S100Z: variants seen among roughly 807,000 people sequenced by gnomAD.
S100Z encodes protein S100-Z.
Under a neutral mutation model 8.5 loss-of-function variants are expected in S100Z, and 11 were observed. The observed-to-expected ratio is 1.30, with a 90% CI of 0.82 to 2.15. The LOEUF (loss-of-function observed/expected upper bound fraction) is 2.15. S100Z is among the 30% of genes most tolerant of loss of function. The probability of loss-of-function intolerance (pLI) is 0.00; values close to 1 mark genes in which losing one functional copy is unlikely to be tolerated. For synonymous variants in S100Z, 34 were observed against 43.8 expected (o/e 0.78, Z 0.89); for missense variants, 126 against 117.9 (o/e 1.07, Z -0.32).
the S100Z span, among the ~76,000 whole-genome samples, chr5:76,940,138 A>G: frequency 7.0e-6 from 1 of 143,178 alleles, no homozygotes; most frequent in Non-Finnish European, 1.5e-5. Context: ...GCCTGGCAAC[A>G]GAGCAAGACT....
At chr5:76,872,608 C>T (rs1743050093) in intron 2 of S100Z, among the ~76,000 whole-genome samples, 1 of 151,948 alleles carries the variant, frequency 6.6e-6, no homozygotes, top group Non-Finnish European at 1.5e-5. Context: ...TGCAGTGAGC[C>T]ATTACTGGGC....
intron 4 of S100Z, among the ~76,000 whole-genome samples, chr5:76,882,427 A>G (rs1743435075): frequency 6.6e-6 from 1 of 152,178 alleles, no homozygotes; most frequent in East Asian, 1.9e-4. Context: ...GTGTGGGGGC[A>G]GCTTCTAGGG....
At chr5:76,885,332 T>G (rs1345191234) in intron 4 of S100Z, among the ~76,000 whole-genome samples, 9 of 148,640 alleles carry the variant, frequency 6.1e-5, no homozygotes, top group Non-Finnish European at 1.3e-4. Context: ...TGGGAGGTGC[T>G]TGCCCCCCAG....
chr5:76,917,912 T>C (rs1440280069), intron 4 of S100Z, among the ~76,000 whole-genome samples: 2 of 152,198 alleles, frequency 1.3e-5, no homozygotes, highest in Non-Finnish European at 2.9e-5. Flanking sequence ...AGTGCCAGTT[T>C]CCTGTAGGTG....
At chr5:76,910,377 G>T (rs2150679326) in intron 4 of S100Z, among the ~76,000 whole-genome samples, 1 of 152,254 alleles carries the variant, frequency 6.6e-6, no homozygotes, top group African/African-American at 2.4e-5. Context: ...TTCTATAATA[G>T]GGACCAAGAG....
chr5:76,888,239 A>G (rs1475911100), intron 4 of S100Z, among the ~76,000 whole-genome samples: 4 of 150,704 alleles, frequency 2.7e-5, no homozygotes, highest in Admixed American at 2.6e-4. Context: ...CCTGGGTGAC[A>G]GAGCAAGACT....
chr5:76,903,971 A>C (rs1176347658), intron 4 of S100Z, among the ~76,000 whole-genome samples: 2 of 151,806 alleles, frequency 1.3e-5, no homozygotes, highest in Admixed American at 1.3e-4. Context: ...TCCTGACCTC[A>C]TGATCCACAC....
chr5:76,915,149 C>T (rs930498609), intron 4 of S100Z, among the ~76,000 whole-genome samples: 3 of 150,494 alleles, frequency 2.0e-5, no homozygotes, highest in Non-Finnish European at 4.4e-5. Context: ...ACTGAAAATA[C>T]AAAAACATTA....
chr5:76,877,662 T>C lies in S100Z; in HGVS notation c.142-12T>C, dbSNP rs1743244842. 5.7e-6 allele frequency: 9 copies of C among 1,575,224 alleles called. No individual in the cohort carries two copies. In the East Asian group the frequency reaches 1.6e-4, roughly 28 times the overall value. Reference sequence around the variant, plus strand: ...AGAGCCAGGGAGTTAGAAATTTCCTTTCTCATTTTAGTGCCAAAAGGAAAC... The same window carrying C: ...AGAGCCAGGGAGTTAGAAATTTCCTCTCTCATTTTAGTGCCAAAAGGAAAC... On this transcript the variant is annotated splice_polypyrimidine_tract_variant and intron_variant, in intron 3 of 4. Transcript: ENST00000317593.
intron 4 of S100Z, among the ~76,000 whole-genome samples, chr5:76,891,187 G>A (rs1199046412): frequency 6.6e-6 from 1 of 152,180 alleles, no homozygotes; most frequent in Non-Finnish European, 1.5e-5. Context: ...TTAAATTAAA[G>A]CAGTTGTGTT....
At chr5:76,930,772 A>G in the S100Z span, among the ~76,000 whole-genome samples, 2 of 152,184 alleles carry the variant, frequency 1.3e-5, no homozygotes, top group African/African-American at 4.8e-5. Context: ...ATTGACCATT[A>G]TGTCTGAAGT....
At chr5:76,909,487 TGGA>T (rs1337046368) in intron 4 of S100Z, among the ~76,000 whole-genome samples, 1 of 152,202 alleles carries the variant, frequency 6.6e-6, no homozygotes, top group African/African-American at 2.4e-5. Context: ...TTCTTTTCAC[TGGA>T]GGAGAACATA....
chr5:76,862,623 A>G (rs1249095480), intron 1 of S100Z, among the ~76,000 whole-genome samples: 1 of 152,090 alleles, frequency 6.6e-6, no homozygotes, highest in Non-Finnish European at 1.5e-5. Context: ...ACATGGTGAA[A>G]CCATGTCTCT....
chr5:76,908,753 C>T (rs1159179125), intron 4 of S100Z, among the ~76,000 whole-genome samples: 1 of 152,160 alleles, frequency 6.6e-6, no homozygotes, highest in Non-Finnish European at 1.5e-5. Context: ...TCTGGAGATC[C>T]CTTTCCTCCC....
chr5:76,908,619 TC>T (rs888955463), intron 4 of S100Z, among the ~76,000 whole-genome samples: 2 of 152,138 alleles, frequency 1.3e-5, no homozygotes, highest in Non-Finnish European at 2.9e-5. Context: ...AATTTTCAGA[TC>T]CCTCCTCAGA....
chr5:76,925,159 TAG>T (rs3060357), downstream of S100Z, among the ~76,000 whole-genome samples: 3 of 151,088 alleles, frequency 2.0e-5, no homozygotes, highest in South Asian at 2.1e-4. Flanking sequence ...AGTGGCTAGA[TAG>T]AGAGAGAGAG....
At chr5:76,866,054 G>A (rs1014818284) in intron 1 of S100Z, among the ~76,000 whole-genome samples, 1 of 151,446 alleles carries the variant, frequency 6.6e-6, no homozygotes, top group Non-Finnish European at 1.5e-5. Flanking sequence ...GTAAGGTAAG[G>A]TTAACTTATT....
intron 4 of S100Z, among the ~76,000 whole-genome samples, chr5:76,898,468 G>A (rs562152438): frequency 6.6e-6 from 1 of 152,176 alleles, no homozygotes; most frequent in South Asian, 2.1e-4. Context: ...CCAAGCCAAG[G>A]TATGTTCCCT....
At chr5:76,902,986 G>GA (rs1236891828) in intron 4 of S100Z, among the ~76,000 whole-genome samples, 1 of 152,156 alleles carries the variant, frequency 6.6e-6, no homozygotes, top group Non-Finnish European at 1.5e-5. Flanking sequence ...AGGAGTTCAA[G>GA]ACCAGCCTGG....
Sources: gnomAD v4.1 joint callset for allele counts (sites outside exome capture counted in the v4.1 genomes callset) on GRCh38, gnomAD v4.1.1 for gene constraint, MANE v1.5 for transcripts, NCBI Gene and HGNC (gene_info 2026-07-23, HGNC 2026-07-21) for gene names.